ABI2: variants seen among roughly 807,000 people sequenced by gnomAD.
ABI2 encodes abelson interactor 2.
Under a neutral mutation model 59.2 loss-of-function variants are expected in ABI2, and 25 were observed. The ratio of observed to expected loss-of-function variants is 0.42; its 90% CI spans 0.31 to 0.59. The LOEUF (loss-of-function observed/expected upper bound fraction) is 0.59. ABI2 is among the 20% of genes least tolerant of loss of function. ABI2 has a pLI of 0.14. For missense variants in ABI2, 545 were observed against 681.8 expected, an observed-to-expected ratio of 0.80 and a Z score of 2.23; for synonymous variants, 213 against 235.5, an observed-to-expected ratio of 0.90 and a Z score of 0.87.
intron 11 of ABI2, among the ~76,000 whole-genome samples, chr2:203,425,850 C>T (rs1008760166): frequency 4.0e-5 from 6 of 151,888 alleles, no homozygotes; most frequent in Non-Finnish European, 5.9e-5. Flanking sequence ...GGCAAAACCC[C>T]GTCTCTACTA....
At chr2:203,343,057 A>G (rs1343111708) in intron 1 of ABI2, among the ~76,000 whole-genome samples, 10 of 152,226 alleles carry the variant, frequency 6.6e-5, no homozygotes, top group Admixed American at 6.5e-4. Context: ...TTTATTTCCT[A>G]TAGAGGATTA....
intron 2 of ABI2, among the ~76,000 whole-genome samples, chr2:203,373,461 G>A (rs2095450041): frequency 6.6e-6 from 1 of 152,072 alleles, no homozygotes; most frequent in African/African-American, 2.4e-5. Flanking sequence ...TGGAAAGAGA[G>A]GGAGAGGGAG....
In ABI2 at chr2:203,394,927, T is replaced by C. The variant is rs2096911643; in HGVS notation, c.725+81T>C. 4 of 1,476,062 alleles carry C rather than the reference T, an allele frequency of 2.7e-6. No individual in the cohort carries two copies. In the African/African-American group the frequency reaches 5.5e-5, roughly 20 times the overall value. The allele number at this position is 1,476,062 out of a possible 1,614,324, so 91.4% of individuals were successfully genotyped here. A position where few individuals can be genotyped will look rare whatever the true frequency, so the allele number is the denominator to read the frequency against. On this transcript the variant is annotated intron_variant, in intron 6 of 11. Coordinates refer to ENST00000261018, the MANE Select transcript of ABI2 (RefSeq NM_001375670.1). ...GATTACTTCAGGTAAATCTCTCATT[T>C]TCCAAGCACTAAGTTCTTTTCCTCA... is the stretch of plus-strand genomic sequence containing the variant.
In ABI2 at chr2:203,341,709, C is replaced by CA. The variant is rs551938006; in HGVS notation, c.117+13087dup. 1.3e-3 allele frequency among the ~76,000 whole-genome samples: 187 copies of CA among 148,644 alleles called. 1 individual carries two copies. The highest frequency in any genetic ancestry group is 0.011 in the South Asian group (52 of 4,688). Reference sequence around the variant, plus strand: ...TGGGCAACAGAGCGAGACTCCATCTCAAAAAAAAACAAAAGAAATTAGTTT... The same window carrying CA: ...TGGGCAACAGAGCGAGACTCCATCTCAAAAAAAAAACAAAAGAAATTAGTTT... On this transcript the variant is annotated intron_variant, in intron 1 of 11. Transcript: ENST00000261018.
At chr2:203,388,364 A>G (rs1031917522) in intron 4 of ABI2, among the ~76,000 whole-genome samples, 6 of 152,156 alleles carry the variant, frequency 3.9e-5, no homozygotes, top group Non-Finnish European at 8.8e-5. Context: ...GATTCTACAG[A>G]TCATAAAATG....
intron 1 of ABI2, among the ~76,000 whole-genome samples, chr2:203,333,247 C>T (rs2074783723): frequency 6.6e-6 from 1 of 152,004 alleles, no homozygotes; most frequent in South Asian, 2.1e-4. Context: ...GAAAATTGCC[C>T]GATCATCTTG....
chr2:203,350,276 C>G (rs746147380), intron 1 of ABI2, among the ~76,000 whole-genome samples: 1 of 152,138 alleles, frequency 6.6e-6, no homozygotes, highest in Non-Finnish European at 1.5e-5. Flanking sequence ...GAGGTTTCAC[C>G]GTGTTGGCCT....
chr2:203,360,303 T>G (rs1672731309), intron 1 of ABI2, among the ~76,000 whole-genome samples: 1 of 152,112 alleles, frequency 6.6e-6, no homozygotes, highest in African/African-American at 2.4e-5. Context: ...TAAAAACAAT[T>G]TGTGTTGTCA....
At position 203,427,481 on chromosome 2, in the gene ABI2, TG is replaced by T; in HGVS notation, c.*131del. On this transcript the variant is annotated 3_prime_UTR_variant, in exon 12 of 12. Coordinates refer to ENST00000261018, the MANE Select transcript of ABI2 (RefSeq NM_001375670.1). ...ATGATAAAAATTACACTTTTTTTTTTGGTTTATTCCCCAGTATTAAAAACAA... is the reference window on the plus strand; with the variant it reads ...ATGATAAAAATTACACTTTTTTTTTTGTTTATTCCCCAGTATTAAAAACAA... The T allele has an allele frequency of 1.2e-6, 1 of 868,172 alleles. No homozygotes were observed. Among genetic ancestry groups the T allele is most frequent in the Non-Finnish European group, 1.7e-6 (1 of 590,118 alleles). 53.8% of individuals were successfully genotyped at this position (868,172 alleles called of 1,614,324 possible).
chr2:203,362,378 G>A (rs1005882807), intron 1 of ABI2, among the ~76,000 whole-genome samples: 2 of 152,000 alleles, frequency 1.3e-5, no homozygotes, highest in Non-Finnish European at 2.9e-5. Context: ...GCAGTATAAG[G>A]TCATGTTGTT....
chr2:203,344,870 A>G (rs990301575), intron 1 of ABI2, among the ~76,000 whole-genome samples: 3 of 152,212 alleles, frequency 2.0e-5, no homozygotes, highest in African/African-American at 7.2e-5. Flanking sequence ...GTCTTGCTAA[A>G]GGTTTGTAAA....
At chr2:203,403,140 T>G (rs544935572) in intron 9 of ABI2, among the ~76,000 whole-genome samples, 1 of 152,228 alleles carries the variant, frequency 6.6e-6, no homozygotes, top group East Asian at 1.9e-4. Context: ...GAAGCTACTT[T>G]GTGCTAGGGA....
intron 1 of ABI2, among the ~76,000 whole-genome samples, chr2:203,341,861 G>A (rs2080122423): frequency 6.6e-6 from 1 of 152,196 alleles, no homozygotes; most frequent in Non-Finnish European, 1.5e-5. Context: ...ACATGTGGTT[G>A]GTGCTTTAGG....
chr2:203,354,291 G>T (rs1264942191), intron 1 of ABI2, among the ~76,000 whole-genome samples: 1 of 151,980 alleles, frequency 6.6e-6, no homozygotes, highest in Admixed American at 6.6e-5. Flanking sequence ...TGATCTTCTC[G>T]CCTCAGCCTC....
chr2:203,341,481 G>A (rs903664457), intron 1 of ABI2, among the ~76,000 whole-genome samples: 11 of 152,168 alleles, frequency 7.2e-5, no homozygotes, highest in Non-Finnish European at 1.5e-5. Context: ...TTGGGAGGCT[G>A]AGGCAGGCAG....
chr2:203,394,719 A>G lies in ABI2; in HGVS notation c.598A>G (p.Thr200Ala), dbSNP rs1579042974. ...TTGTAGGCGGCACTCCCCCTATCGC[A>G]CACTGGAGCCAGTGCGTCCTCCAGT... Reference protein sequence around the residue: ...GTLGRHSPYRTLEPVRPPVVP... With the variant: ...GTLGRHSPYRALEPVRPPVVP... The change falls in exon 6 of 12, where the codon ACA becomes GCA. Residue 200 changes from threonine (T) to alanine (A), a missense_variant. By Grantham distance (58) the Thr-to-Ala change is moderately conservative. Around this residue, in one of 4 missense-constraint regions of ABI2, gnomAD observed 410 missense variants for 435.6 expected, o/e 0.94. Coordinates refer to ENST00000261018, the MANE Select transcript of ABI2 (RefSeq NM_001375670.1). 1 of 1,614,016 alleles carries G rather than the reference A, an allele frequency of 6.2e-7. No individual in the cohort carries two copies. The highest frequency in any genetic ancestry group is 2.2e-5 in the East Asian group (1 of 44,870).
intron 9 of ABI2, among the ~76,000 whole-genome samples, chr2:203,404,323 A>G (rs1406533056): frequency 7.2e-5 from 11 of 152,166 alleles, no homozygotes. Flanking sequence ...CTGTATCTGT[A>G]GTCCATCCAG....
intron 10 of ABI2, 32 bp downstream of exon 10, chr2:203,411,403 A>G (rs1228273362): frequency 6.6e-7 from 1 of 1,523,776 alleles, no homozygotes; most frequent in Non-Finnish European, 9.1e-7. Flanking sequence ...GCTGTAGATC[A>G]GATTGTAGGC....
intron 3 of ABI2, among the ~76,000 whole-genome samples, chr2:203,380,603 AT>A (rs1179253474): frequency 3.3e-5 from 5 of 152,230 alleles, no homozygotes; most frequent in Admixed American, 6.5e-5. Context: ...AATGAATTAT[AT>A]TTGCTTGGTT....
Sources: gnomAD v4.1 joint callset for allele counts (sites outside exome capture counted in the v4.1 genomes callset) on GRCh38, gnomAD v4.1.1 for gene constraint, gnomAD v4.1.1 regional missense constraint, MANE v1.5 for transcripts, NCBI Gene and HGNC (gene_info 2026-07-23, HGNC 2026-07-21) for gene names.